The following RASSF3 variants were observed in gnomAD, a reference collection of about 807,000 sequenced individuals.
RASSF3 encodes the protein ras association domain-containing protein 3.
Under a neutral mutation model 19.9 loss-of-function variants are expected in RASSF3, and 19 were observed. The ratio of observed to expected loss-of-function variants is 0.96; its 90% confidence interval spans 0.67 to 1.40. RASSF3 has a LOEUF of 1.40. RASSF3 is among the 40% of genes most tolerant of loss of function. The pLI is 0.00. For missense variants in RASSF3, 306 were observed against 289.8 expected, an observed-to-expected ratio of 1.06 and a Z score of -0.41; for synonymous variants, 110 against 104.2, an observed-to-expected ratio of 1.06 and a Z score of -0.34.
At chr12:64,649,763 G>A (rs1871873456) in intron 1 of RASSF3, among the ~76,000 whole-genome samples, 2 of 152,206 alleles carry the variant, frequency 1.3e-5, no homozygotes, top group Admixed American at 6.5e-5. Context: ...CCATTTGTGG[G>A]CAATTTTGAG....
intron 2 of RASSF3, among the ~76,000 whole-genome samples, chr12:64,551,968 C>A (rs1869172038): frequency 6.6e-6 from 1 of 152,196 alleles, no homozygotes; most frequent in Non-Finnish European, 1.5e-5. Context: ...CCGCCTTACA[C>A]AAGAGCAAAC....
At chr12:64,628,870 A>G (rs2136171066) in intron 1 of RASSF3, among the ~76,000 whole-genome samples, 1 of 152,282 alleles carries the variant, frequency 6.6e-6, no homozygotes, top group South Asian at 2.1e-4. Flanking sequence ...ATTCCTAGGA[A>G]ACTTTCAGCA....
At chr12:64,665,815 G>T (rs368182828) in intron 1 of RASSF3, among the ~76,000 whole-genome samples, 1 of 152,194 alleles carries the variant, frequency 6.6e-6, no homozygotes, top group African/African-American at 2.4e-5. Flanking sequence ...CCGCAGGGTC[G>T]CTCTTCAGCT....
At chr12:64,551,279 ACT>A (rs1393207777) in intron 2 of RASSF3, among the ~76,000 whole-genome samples, 2 of 152,196 alleles carry the variant, frequency 1.3e-5, no homozygotes, top group East Asian at 3.8e-4. Context: ...ATAGGCGGGC[ACT>A]ATAACATGCA....
chr12:64,535,788 A>T (rs1254732937), intron 1 of RASSF3, among the ~76,000 whole-genome samples: 1 of 146,740 alleles, frequency 6.8e-6, no homozygotes. Context: ...TCCGGGTTCC[A>T]GTGATTCTCC....
At chr12:64,529,693 G>A (rs1035843910), upstream of RASSF3, among the ~76,000 whole-genome samples, 2 of 152,158 alleles carry the variant, frequency 1.3e-5, no homozygotes, top group East Asian at 3.8e-4. Flanking sequence ...CAGTATGTGA[G>A]CCAATAAATT....
chr12:64,507,533 G>A, intron 1 of RASSF3: 1 of 366,984 alleles, frequency 2.7e-6, no homozygotes, highest in Non-Finnish European at 4.8e-6. Flanking sequence ...TGTATTAGAA[G>A]CCATGAACAT....
chr12:64,648,519 G>A (rs1871818905), intron 1 of RASSF3, among the ~76,000 whole-genome samples: 3 of 151,420 alleles, frequency 2.0e-5, no homozygotes, highest in Non-Finnish European at 4.4e-5. Flanking sequence ...CACTCATAAA[G>A]CTTTTTTTTT....
At chr12:64,612,833 T>C (rs947730758) in intron 1 of RASSF3, among the ~76,000 whole-genome samples, 2 of 152,184 alleles carry the variant, frequency 1.3e-5, no homozygotes, top group African/African-American at 4.8e-5. Context: ...ATATATATTA[T>C]ACTCAGGGTA....
chr12:64,691,495 G>A lies in RASSF3; in HGVS notation c.483G>A (p.Arg161=), dbSNP rs758694458. Residue 161 remains arginine, a synonymous_variant, in exon 4 of 5, where the codon CGG becomes CGA. Transcript: ENST00000542104. The part of the protein sequence containing the change: ...DQVYACKLSD[R]EHPLYLRLVA... ...TCTACGCCTGCAAGCTCTCAGACCG[G>A]GAACATCCACTCTACCTGCGTTTGG... 1.2e-6 allele frequency: 2 copies of A among 1,613,938 alleles called. No individual in the cohort carries two copies. Among genetic ancestry groups the A allele is most frequent in the South Asian group, 2.2e-5 (2 of 91,074 alleles).
chr12:64,581,484 C>T (rs923740698), intron 2 of RASSF3, among the ~76,000 whole-genome samples: 11 of 152,116 alleles, frequency 7.2e-5, no homozygotes, highest in African/African-American at 2.7e-4. Flanking sequence ...CCAAGGCAGG[C>T]AGCTCACTTG....
intron 1 of RASSF3, among the ~76,000 whole-genome samples, chr12:64,653,853 G>C (rs1208907147): frequency 6.6e-6 from 1 of 151,828 alleles, no homozygotes; most frequent in South Asian, 2.1e-4. Context: ...AGCCCTTAAC[G>C]GTGTCTTTAA....
chr12:64,533,699 T>C (rs1488087096), intron 1 of RASSF3: 2 of 152,316 alleles, frequency 1.3e-5, no homozygotes, highest in Non-Finnish European at 2.9e-5. Flanking sequence ...TGACCAGTTA[T>C]AAATATAAAG....
chr12:64,635,439 C>T (rs2136176935), intron 1 of RASSF3, among the ~76,000 whole-genome samples: 1 of 152,268 alleles, frequency 6.6e-6, no homozygotes, highest in South Asian at 2.1e-4. Context: ...AGTGGAAAGT[C>T]ATAAAGAGCC....
chr12:64,610,647 C>T lies in RASSF3; in HGVS notation c.15C>T (p.Tyr5=). 4 of 1,573,576 alleles carry T rather than the reference C, an allele frequency of 2.5e-6. No homozygotes were observed. Among genetic ancestry groups the T allele is most frequent in the East Asian group, 2.5e-5 (1 of 39,538 alleles). The change falls in exon 1 of 5, where the codon TAC becomes TAT. Residue 5 remains tyrosine, a synonymous_variant. Transcript: ENST00000542104. Reference sequence around the variant, plus strand: ...GGACCGGCAGCATGAGCAGCGGCTACAGCAGCCTGGAGGAGGACGCCGAGG... The same window carrying T: ...GGACCGGCAGCATGAGCAGCGGCTATAGCAGCCTGGAGGAGGACGCCGAGG... MSSG[Y]SSLEEDAEDF... is the part of the protein sequence containing the mutation.
rs555352395 is a variant in RASSF3 at position 64,526,253 on chromosome 12, G to A, written c.170-15328G>A. 1.4e-4 allele frequency among the ~76,000 whole-genome samples: 22 copies of A among 152,208 alleles called. No homozygotes were observed. The Middle Eastern group carries it at 0.014, about 94-fold the overall frequency. Reference sequence around the variant, plus strand: ...TGATGTTTTGAAATATGTACTTATTGCGGAATGGTTAAATCAACCTCATTA... The same window carrying A: ...TGATGTTTTGAAATATGTACTTATTACGGAATGGTTAAATCAACCTCATTA... On this transcript the variant is annotated intron_variant, in intron 1 of 5. Coordinates refer to the RASSF3 transcript ENST00000637125.
chr12:64,528,021 G>A (rs1413292666), intron 1 of RASSF3, among the ~76,000 whole-genome samples: 2 of 152,188 alleles, frequency 1.3e-5, no homozygotes, highest in Non-Finnish European at 2.9e-5. Flanking sequence ...CAAATTGGGA[G>A]GCCAAGGCAG....
chr12:64,574,718 T>A lies in RASSF3; in HGVS notation c.294+33013T>A, dbSNP rs562996550. On this transcript the variant is annotated intron_variant, in intron 2 of 5. Coordinates refer to the RASSF3 transcript ENST00000637125. ...ATGCGTAGAACATGAGTTCTCCAGC[T>A]AAGGTACTCAGTCAAGCCTAGCTGA... Among the ~76,000 whole-genome samples, 18 of 152,348 alleles carry A rather than the reference T, an allele frequency of 1.2e-4. No homozygotes were observed. In the East Asian group the frequency reaches 3.3e-3, roughly 28 times the overall value.
chr12:64,511,940 A>G (rs908762167), intron 1 of RASSF3, among the ~76,000 whole-genome samples: 1 of 152,096 alleles, frequency 6.6e-6, no homozygotes, highest in African/African-American at 2.4e-5. Flanking sequence ...TTTATCAGTT[A>G]ATGAGATCTG....
Sources: gnomAD v4.1 joint callset for allele counts (sites outside exome capture counted in the v4.1 genomes callset) on GRCh38, gnomAD v4.1.1 for gene constraint, MANE v1.5 for transcripts, NCBI Gene and HGNC (gene_info 2026-07-23, HGNC 2026-07-21) for gene names.